NOL6: variants seen among roughly 807,000 people sequenced by gnomAD.
The protein encoded by NOL6 is nucleolar protein 6, also known as nucleolar RNA-associated protein.
NOL6 carries 33 observed loss-of-function variants against 131.7 expected under a neutral mutation model. The ratio of observed to expected loss-of-function variants is 0.25; its 90% CI spans 0.19 to 0.33. NOL6 has a LOEUF of 0.33. NOL6 is among the 10% of genes least tolerant of loss of function. The pLI, the probability that NOL6 is intolerant of heterozygous loss-of-function variation, is 1.00. For synonymous variants in NOL6, 580 were observed against 605.7 expected, an observed-to-expected ratio of 0.96 and a Z score of 0.62; for missense variants, 1,297 against 1,494.5, an observed-to-expected ratio of 0.87 and a Z score of 2.18.
Position 33,467,833 on chromosome 9 carries a change from T to A in NOL6, c.1460A>T (p.His487Leu), listed in dbSNP as rs759973854. The change falls in exon 12 of 26, where the codon CAC becomes CTC. Residue 487 changes from histidine to leucine, a missense_variant. By Grantham distance (99) the His-to-Leu change is moderately conservative. Coordinates refer to ENST00000297990, the MANE Select transcript of NOL6 (RefSeq NM_022917.5). The surrounding 1 kb of genome is among the most constrained non-coding windows in gnomAD (Gnocchi z 4.4). ...RPLSRLQAAC[H>L]RLKLWPELQD... ...CAGCTCTGGCCAGAGCTTCAGCCGG[T>A]GGCACGCTGCCTGCAGGCGACTCAG... 6.3e-7 allele frequency: 1 copy of A among 1,599,862 alleles called. No individual in the cohort carries two copies. The highest frequency in any genetic ancestry group is 8.5e-7 in the Non-Finnish European group (1 of 1,172,904).
intron 25 of NOL6, 69 bp from the exon 26 acceptor site, chr9:33,462,882 A>G: frequency 6.3e-7 from 1 of 1,594,302 alleles, no homozygotes; most frequent in African/African-American, 1.3e-5. Flanking sequence ...CAAGCTGGGT[A>G]CAGAGTGGGG....
At position 33,461,975 on chromosome 9, in the gene NOL6, C is replaced by T. The variant is rs41315981; in HGVS notation, c.*689G>A. 5,290 of 583,606 alleles carry T rather than the reference C, an allele frequency of 9.1e-3. 42 individuals are homozygous for T. The highest frequency in any genetic ancestry group is 0.012 in the Non-Finnish European group (3,951 of 320,920). The allele number at this position is 583,606 out of a possible 1,614,324, so 36.2% of individuals were successfully genotyped here. ...CAGGGCAGATGCAGCTAACGGGTAG[C>T]CCCCAGTGCTTTTTGCACCTCTCCA... On this transcript the variant is annotated 3_prime_UTR_variant, in exon 26 of 26. Transcript: ENST00000297990.
Position 33,464,139 on chromosome 9 carries a change from G to A in NOL6, c.2802C>T (p.Arg934=). 6.2e-7 allele frequency: 1 copy of A among 1,610,792 alleles called. No homozygotes were observed. The highest frequency in any genetic ancestry group is 8.5e-7 in the Non-Finnish European group (1 of 1,178,358). Residue 934 remains arginine (R), a synonymous_variant, in exon 22 of 26, where the codon CGC becomes CGT. Coordinates refer to ENST00000297990, the MANE Select transcript of NOL6 (RefSeq NM_022917.5). ...ELTVEEQVEI[R]SGFLAARAQL... ...GTGCCCGAGCTGCCAGGAAGCCACT[G>A]CGGATCTCCACCTGCTCCTCCACTA...
At chr9:33,468,668 CA>C in intron 8 of NOL6, 83 bp downstream of exon 8, 1 of 1,609,272 alleles carries the variant, frequency 6.2e-7, no homozygotes, top group South Asian at 1.1e-5. Flanking sequence ...TGTCTGATGG[CA>C]AAACACCAAA....
Position 33,465,163 on chromosome 9 carries a change from C to G in NOL6, c.2681+44G>C, listed in dbSNP as rs892047639. 1.7e-5 allele frequency: 27 copies of G among 1,560,310 alleles called. No homozygotes were observed. In the African/African-American group the frequency reaches 3.5e-4, roughly 20 times the overall value. On this transcript the variant is annotated intron_variant, in intron 20 of 25. Coordinates refer to ENST00000297990, the MANE Select transcript of NOL6 (RefSeq NM_022917.5). Reference sequence around the variant, plus strand: ...GTGCAGCACGAAGGATGATGGCTGGCCGCAAGGAAACTTCTCAGCTGGGGA... The same window carrying G: ...GTGCAGCACGAAGGATGATGGCTGGGCGCAAGGAAACTTCTCAGCTGGGGA...
intron 8 of NOL6, 92 bp from the exon 9 acceptor site, chr9:33,468,658 T>C: frequency 6.2e-7 from 1 of 1,607,130 alleles, no homozygotes; most frequent in Non-Finnish European, 8.5e-7. Flanking sequence ...TTTGCTCATC[T>C]GTCTGATGGC....
rs772623000 is a variant in NOL6 at position 33,472,053 on chromosome 9, C to T, written c.329G>A (p.Arg110Gln). 7 of 1,613,206 alleles carry T rather than the reference C, an allele frequency of 4.3e-6. No individual in the cohort carries two copies. The South Asian group carries it at 4.4e-5, about 10-fold the overall frequency. ...KKKDRIDAFL[R>Q]EVNQRVVRVP... The stretch of plus-strand genomic sequence containing the variant: ...CCTCACAACCCGCTGGTTGACCTCC[C>T]GTAGGAAGGCATCAATCCGATCCTT... The change falls in exon 3 of 26, where the codon CGG (arginine) becomes CAG (glutamine). Residue 110 changes from arginine to glutamine, a missense_variant. Arg to Gln is a conservative substitution (Grantham distance 43). Transcript: ENST00000297990.
rs370031221 is a variant in NOL6 at position 33,462,637 on chromosome 9, C to A, written c.*27G>T. 86 of 1,611,818 alleles carry A rather than the reference C, an allele frequency of 5.3e-5. No individual in the cohort carries two copies. In the South Asian group the frequency reaches 8.9e-4, roughly 17 times the overall value. On this transcript the variant is annotated 3_prime_UTR_variant, in exon 26 of 26. Transcript: ENST00000297990. ...TCTAGAGGTCCAATGTCCTGCTGTC[C>A]GTCTACAGCTTGCTCCAGAGCTGGG...
rs981225004 is a variant in NOL6, at chr9:33,462,265, G to C, written c.*399C>G. 1.1e-5 allele frequency: 8 copies of C among 715,486 alleles called. No individual in the cohort carries two copies. Among genetic ancestry groups the C allele is most frequent in the Non-Finnish European group, 2.1e-5 (8 of 384,704 alleles). The allele number at this position is 715,486 out of a possible 1,614,324, so 44.3% of individuals were successfully genotyped here. A position where few individuals can be genotyped will look rare whatever the true frequency, so the allele number is the denominator to read the frequency against. ...CATGCTAAGTCTAGGCACAGGTCCT[G>C]GCAGCAGGAAGGAGACAGAGCCTCT... On this transcript the variant is annotated 3_prime_UTR_variant, in exon 26 of 26. Transcript: ENST00000297990.
In NOL6 at chr9:33,462,794, C is replaced by G. The variant is rs116739206; in HGVS notation, c.3311G>C (p.Arg1104Pro). 2.5e-6 allele frequency: 4 copies of G among 1,614,128 alleles called. No homozygotes were observed. Among genetic ancestry groups the G allele is most frequent in the Middle Eastern group, 1.6e-4 (1 of 6,062 alleles). ...CTCCCCACCTCGAGACATCACCATGCGCCCCTTTGTGCTGGAGGCCTGGGG... is the reference window on the plus strand; with the variant it reads ...CTCCCCACCTCGAGACATCACCATGGGCCCCTTTGTGCTGGAGGCCTGGGG... ...QPFKASSTKG[R>P]MVMSRGGELV... Residue 1104 changes from arginine to proline, a missense_variant, in exon 26 of 26, where the codon CGC (arginine) becomes CCC (proline). Coordinates refer to ENST00000297990, the MANE Select transcript of NOL6 (RefSeq NM_022917.5).
rs1372226807 is a variant in NOL6, at chr9:33,465,333, G to C, written c.2555C>G (p.Ser852Cys). The C allele has an allele frequency of 6.3e-7, 1 of 1,592,754 alleles. No homozygotes were observed. The highest frequency in any genetic ancestry group is 1.7e-5 in the Admixed American group (1 of 57,916). Residue 852 changes from serine to cysteine, a missense_variant, in exon 20 of 26, where the codon TCT becomes TGT. By Grantham distance (112) the Ser-to-Cys change is moderately radical. Coordinates refer to ENST00000297990, the MANE Select transcript of NOL6 (RefSeq NM_022917.5). Reference protein sequence around the residue: ...HGLQQQHPAFSGVARLAKRWV... With the variant: ...HGLQQQHPAFCGVARLAKRWV... ...CCGCTTGGCCAGCCGTGCCACACCA[G>C]AGAAGGCTGGGTGCTGCTGCTGCAG... is the stretch of plus-strand genomic sequence containing the variant.
Position 33,462,624 on chromosome 9 carries a change from A to C in NOL6, c.*40T>G. 24 of 1,609,130 alleles carry C rather than the reference A, an allele frequency of 1.5e-5. No individual in the cohort carries two copies. The highest frequency in any genetic ancestry group is 2.0e-5 in the Non-Finnish European group (24 of 1,176,420). Reference sequence around the variant, plus strand: ...ACTGACATCTTGCTCTAGAGGTCCAATGTCCTGCTGTCCGTCTACAGCTTG... The same window carrying C: ...ACTGACATCTTGCTCTAGAGGTCCACTGTCCTGCTGTCCGTCTACAGCTTG... On this transcript the variant is annotated 3_prime_UTR_variant, in exon 26 of 26. Transcript: ENST00000297990.
At position 33,463,445 on chromosome 9, in the gene NOL6, AG is replaced by A. The variant is rs747055875; in HGVS notation, c.2995-5del. On this transcript the variant is annotated splice_polypyrimidine_tract_variant and splice_region_variant and intron_variant, in intron 23 of 25. Transcript: ENST00000297990. ...CCAAGGGCGGCCGGAACACTGTCTAAGGAAGGGGAGAAGGAGGGGTCAGCAG... is the reference window on the plus strand; with the variant it reads ...CCAAGGGCGGCCGGAACACTGTCTAAGAAGGGGAGAAGGAGGGGTCAGCAG... 12 of 1,600,684 alleles carry A rather than the reference AG, an allele frequency of 7.5e-6. No homozygotes were observed. The Admixed American group carries it at 1.2e-4, about 16-fold the overall frequency.
rs775883989 is a variant in NOL6 at position 33,467,960 on chromosome 9, A to G, written c.1424+70T>C. On this transcript the variant is annotated intron_variant, in intron 11 of 25. Coordinates refer to ENST00000297990, the MANE Select transcript of NOL6 (RefSeq NM_022917.5). This position sits in a 1 kb window ranked among gnomAD's most constrained non-coding sequence, Gnocchi z 4.4. ...GAATGATCTGAGCACCTGTCTGAAGACCTTTGCCCCACCACTGTAGCCCCG... is the reference window on the plus strand; with the variant it reads ...GAATGATCTGAGCACCTGTCTGAAGGCCTTTGCCCCACCACTGTAGCCCCG... The G allele has an allele frequency of 1.2e-6, 2 of 1,609,180 alleles. No homozygotes were observed.
Position 33,467,332 on chromosome 9 carries a change from G to A in NOL6, c.1725+62C>T. Reference sequence around the variant, plus strand: ...TGTGGACCCTCCCCAACAAGCTTCAGTCCAGGTGCCATGAGGACGAGCCAC... The same window carrying A: ...TGTGGACCCTCCCCAACAAGCTTCAATCCAGGTGCCATGAGGACGAGCCAC... On this transcript the variant is annotated intron_variant, in intron 13 of 25. Coordinates refer to ENST00000297990, the MANE Select transcript of NOL6 (RefSeq NM_022917.5). The surrounding 1 kb of genome is among the most constrained non-coding windows in gnomAD (Gnocchi z 4.4). 6.2e-7 allele frequency: 1 copy of A among 1,610,486 alleles called. No individual in the cohort carries two copies. Among genetic ancestry groups the A allele is most frequent in the Non-Finnish European group, 8.5e-7 (1 of 1,177,026 alleles).
chr9:33,466,895 G>C lies in NOL6; in HGVS notation c.1950+17C>G. ...TGATTACTCTACAATCACTAGCCTTGACCCCAAGACCCTTACCTCTTTCAG... is the reference window on the plus strand; with the variant it reads ...TGATTACTCTACAATCACTAGCCTTCACCCCAAGACCCTTACCTCTTTCAG... On this transcript the variant is annotated intron_variant, in intron 15 of 25. Coordinates refer to ENST00000297990, the MANE Select transcript of NOL6 (RefSeq NM_022917.5). The C allele has an allele frequency of 6.2e-7, 1 of 1,612,096 alleles. No individual in the cohort carries two copies. The highest frequency in any genetic ancestry group is 8.5e-7 in the Non-Finnish European group (1 of 1,179,094).
At chr9:33,470,984 C>T (rs182573867) in intron 3 of NOL6, among the ~76,000 whole-genome samples, 1 of 151,674 alleles carries the variant, frequency 6.6e-6, no homozygotes, top group East Asian at 2.0e-4. Flanking sequence ...GAAAAGTGAA[C>T]GTTTTAGGCT....
rs1246088778 is a variant in NOL6, at chr9:33,462,137, A to G, written c.*527T>C. 2 of 717,434 alleles carry G rather than the reference A, an allele frequency of 2.8e-6. No individual in the cohort carries two copies. The highest frequency in any genetic ancestry group is 3.0e-5 in the South Asian group (2 of 67,598). 44.4% of individuals were successfully genotyped at this position (717,434 alleles called of 1,614,324 possible). ...TGTGCTCCTTCAATGTGGTCTATTC[A>G]TACACATATAGCCCCTTTCCACTGC... is the stretch of plus-strand genomic sequence containing the variant. On this transcript the variant is annotated 3_prime_UTR_variant, in exon 26 of 26. Transcript: ENST00000297990.
In NOL6 at chr9:33,464,868, C is replaced by G. The variant is rs1240460831; in HGVS notation, c.2779+11G>C. On this transcript the variant is annotated intron_variant, in intron 21 of 25. Transcript: ENST00000297990. ...TTCTTCCAGCAGTCTGACCCCTGTT[C>G]TACCACTTACCAGTGAGCTCATTAT... 1 of 1,592,112 alleles carries G rather than the reference C, an allele frequency of 6.3e-7. No individual in the cohort carries two copies. Among genetic ancestry groups the G allele is most frequent in the East Asian group, 2.2e-5 (1 of 44,776 alleles).
Sources: allele counts gnomAD v4.1 joint callset (sites outside exome capture counted in the v4.1 genomes callset), GRCh38; gene constraint gnomAD v4.1.1; non-coding constraint Gnocchi (gnomAD v3.1); transcripts MANE v1.5; gene names NCBI Gene and HGNC (gene_info 2026-07-23, HGNC 2026-07-21).